The following CCNY variants were observed in gnomAD, a reference collection of about 807,000 sequenced individuals.
CCNY encodes the protein cyclin-Y.
CCNY carries 19 observed loss-of-function variants against 42.8 expected under a neutral mutation model. The ratio of observed to expected loss-of-function variants is 0.44; its 90% CI spans 0.31 to 0.65. The LOEUF (loss-of-function observed/expected upper bound fraction) is 0.65. Among genes scored for constraint, CCNY ranks in the 30% least tolerant of loss-of-function variants. The pLI is 0.07. For missense variants in CCNY, 370 were observed against 437.3 expected (o/e 0.85, Z 1.37); for synonymous variants, 165 against 162.7 (o/e 1.01, Z -0.11).
intron 1 of CCNY, among the ~76,000 whole-genome samples, chr10:35,356,487 C>T (rs898844518): frequency 1.3e-5 from 2 of 152,070 alleles, no homozygotes; most frequent in Non-Finnish European, 2.9e-5. Flanking sequence ...GGTGTTGTAG[C>T]GCATGTTTGA....
At chr10:35,555,523 A>C (rs978038612) in intron 8 of CCNY, among the ~76,000 whole-genome samples, 3 of 152,234 alleles carry the variant, frequency 2.0e-5, no homozygotes, top group Non-Finnish European at 4.4e-5. Flanking sequence ...CTAGCTCAAA[A>C]GAAATGATTT....
At chr10:35,312,747 C>CTTTTT (rs10688043) in intron 3 of CCNY, among the ~76,000 whole-genome samples, 4 of 112,156 alleles carry the variant, frequency 3.6e-5, no homozygotes, top group African/African-American at 3.5e-5. Flanking sequence ...TTCCTTTTTA[C>CTTTTT]TTTTTTTTTT....
chr10:35,331,966 T>A (rs916925195), upstream of CCNY, among the ~76,000 whole-genome samples: 4 of 152,178 alleles, frequency 2.6e-5, no homozygotes, highest in Non-Finnish European at 4.4e-5. Flanking sequence ...CACTTTCGTA[T>A]CCTCAAGGTG....
At chr10:35,312,632 AT>A (rs1835700907) in intron 3 of CCNY, among the ~76,000 whole-genome samples, 1 of 151,662 alleles carries the variant, frequency 6.6e-6, no homozygotes, top group East Asian at 1.9e-4. Flanking sequence ...AAACCATCTC[AT>A]CCTGGGGTAT....
chr10:35,416,541 G>A (rs1444330369), intron 1 of CCNY, among the ~76,000 whole-genome samples: 1 of 152,150 alleles, frequency 6.6e-6, no homozygotes, highest in African/African-American at 2.4e-5. Context: ...GCACCATGAC[G>A]TATAATTACC....
In CCNY at chr10:35,571,005, CA is replaced by C. The variant is rs1332867367; in HGVS notation, c.*1837del. On this transcript the variant is annotated 3_prime_UTR_variant, in exon 10 of 10. Transcript: ENST00000374704. ...GGGTACCAAAATCACCTTCTCTCTT[CA>C]AGTCAAAGTTGAATTTAGAACTTTG... 1.3e-5 allele frequency: 2 copies of C among 152,242 alleles called. No homozygotes were observed. Among genetic ancestry groups the C allele is most frequent in the Non-Finnish European group, 2.9e-5 (2 of 68,016 alleles). The allele number at this position is 152,242 out of a possible 1,614,324, so 9.4% of individuals were successfully genotyped here. A position where few individuals can be genotyped will look rare whatever the true frequency, so the allele number is the denominator to read the frequency against.
intron 1 of CCNY, among the ~76,000 whole-genome samples, chr10:35,428,416 C>T (rs1214689001): frequency 6.6e-6 from 1 of 152,172 alleles, no homozygotes; most frequent in Non-Finnish European, 1.5e-5. Flanking sequence ...CATCCAGGAA[C>T]TGCAGGAAAG....
rs140331541 is a variant in CCNY at position 35,323,906 on chromosome 10, G to A, written c.-9+73280G>A. On this transcript the variant is annotated intron_variant, in intron 3 of 11. Transcript: ENST00000374706. Reference sequence around the variant, plus strand: ...TGGTGGGCACGTGCCTGTAGTCCTCGCTACTCAGGAGGCTGATATAGGAGA... The same window carrying A: ...TGGTGGGCACGTGCCTGTAGTCCTCACTACTCAGGAGGCTGATATAGGAGA... 1.8e-3 allele frequency among the ~76,000 whole-genome samples: 280 copies of A among 151,960 alleles called. 1 individual carries two copies. Among genetic ancestry groups the A allele is most frequent in the African/African-American group, 6.3e-3 (260 of 41,436 alleles).
intron 3 of CCNY, among the ~76,000 whole-genome samples, chr10:35,264,859 C>T (rs562739224): frequency 3.9e-5 from 6 of 152,284 alleles, no homozygotes; most frequent in African/African-American, 7.2e-5. Context: ...AAACTCCTGA[C>T]CTCAGGTGAT....
intron 1 of CCNY, among the ~76,000 whole-genome samples, chr10:35,372,672 TC>T (rs1215619988): frequency 6.6e-6 from 1 of 152,206 alleles, no homozygotes; most frequent in East Asian, 1.9e-4. Flanking sequence ...TAACTGTGTA[TC>T]CCATTTCATA....
At chr10:35,455,825 T>TAA (rs766510525) in intron 1 of CCNY, among the ~76,000 whole-genome samples, 1 of 99,778 alleles carries the variant, frequency 1.0e-5, no homozygotes, top group African/African-American at 3.8e-5. Context: ...TTTTTTTTTT[T>TAA]AAAAAAAGAA....
At chr10:35,318,147 G>A (rs1041648589) in intron 3 of CCNY, among the ~76,000 whole-genome samples, 15 of 152,208 alleles carry the variant, frequency 9.9e-5, no homozygotes, top group African/African-American at 3.6e-4. Context: ...AACATCACTT[G>A]AGCCCAGGAG....
intron 4 of CCNY, among the ~76,000 whole-genome samples, chr10:35,517,139 A>G (rs1840446774): frequency 6.6e-6 from 1 of 152,116 alleles, no homozygotes; most frequent in East Asian, 1.9e-4. Flanking sequence ...CTCACCAACA[A>G]AGAGAACGTG....
intron 3 of CCNY, 21 bp from the exon 4 acceptor site, chr10:35,516,502 C>T (rs1476610097): frequency 3.2e-6 from 5 of 1,558,388 alleles, no homozygotes; most frequent in Non-Finnish European, 4.4e-6. Flanking sequence ...TTGCCTTAAT[C>T]TTCTTGCTGT....
chr10:35,350,321 A>G (rs902327126), intron 1 of CCNY, among the ~76,000 whole-genome samples: 1 of 151,376 alleles, frequency 6.6e-6, no homozygotes, highest in African/African-American at 2.4e-5. Flanking sequence ...TTTATCCAGC[A>G]GTTTTGTTTC....
chr10:35,277,199 G>C (rs1222733038), intron 3 of CCNY, among the ~76,000 whole-genome samples: 2 of 152,226 alleles, frequency 1.3e-5, no homozygotes, highest in Non-Finnish European at 2.9e-5. Flanking sequence ...GAGAGGAAGA[G>C]AGGGTGATCC....
chr10:35,384,560 A>G (rs2135199010), intron 1 of CCNY, among the ~76,000 whole-genome samples: 1 of 152,284 alleles, frequency 6.6e-6, no homozygotes, highest in East Asian at 1.9e-4. Context: ...GACATATTGA[A>G]TTGGAGTCCC....
At chr10:35,417,462 C>A (rs764589008) in intron 1 of CCNY, among the ~76,000 whole-genome samples, 1 of 152,092 alleles carries the variant, frequency 6.6e-6, no homozygotes, top group African/African-American at 2.4e-5. Flanking sequence ...AGGACTGTTA[C>A]AAATATGAAA....
chr10:35,322,131 G>T (rs1046190627), intron 3 of CCNY, among the ~76,000 whole-genome samples: 1 of 152,156 alleles, frequency 6.6e-6, no homozygotes, highest in Non-Finnish European at 1.5e-5. Context: ...CGAAGCGGGT[G>T]GATCACCAGG....
Sources: allele counts gnomAD v4.1 joint callset (sites outside exome capture counted in the v4.1 genomes callset), GRCh38; gene constraint gnomAD v4.1.1; transcripts MANE v1.5; gene names NCBI Gene and HGNC (gene_info 2026-07-23, HGNC 2026-07-21).